The following PDE12 variants were observed in gnomAD, a reference collection of about 807,000 sequenced individuals.
The protein encoded by PDE12 is phosphodiesterase 12.
In PDE12, 26 loss-of-function variants were observed where a neutral mutation model predicts 45.4. That is an observed-to-expected ratio of 0.57 (90% CI 0.42 to 0.79). The LOEUF is 0.79. Ranked by LOEUF, PDE12 falls within the 30% of genes least tolerant of loss-of-function variation. The probability of loss-of-function intolerance (pLI) is 0.00; values close to 1 mark genes in which losing one functional copy is unlikely to be tolerated. For synonymous variants in PDE12, 283 were observed against 323.9 expected (o/e 0.87, Z 1.36); for missense variants, 668 against 790.0 (o/e 0.85, Z 1.85).
the PDE12 span, among the ~76,000 whole-genome samples, chr3:57,602,103 C>T: frequency 1.3e-5 from 2 of 152,096 alleles, no homozygotes; most frequent in South Asian, 2.1e-4. Context: ...CTATAAATAG[C>T]GGTACTATTT....
At chr3:57,574,787 A>G in the PDE12 span, among the ~76,000 whole-genome samples, 1 of 152,078 alleles carries the variant, frequency 6.6e-6, no homozygotes, top group Non-Finnish European at 1.5e-5. Context: ...AGGCTGAGAT[A>G]GTGAGAGGAT....
the PDE12 span, among the ~76,000 whole-genome samples, chr3:57,651,269 G>A: frequency 6.6e-6 from 1 of 152,140 alleles, no homozygotes. Context: ...TATCAAAAAC[G>A]CACTTTCAAC....
rs916306020 is a variant in PDE12, at chr3:57,560,201, C to T, written c.*197C>T. 6 of 1,283,976 alleles carry T rather than the reference C, an allele frequency of 4.7e-6. No individual in the cohort carries two copies. In the African/African-American group the frequency reaches 9.1e-5, roughly 19 times the overall value. The allele number at this position is 1,283,976 out of a possible 1,614,324, so 79.5% of individuals were successfully genotyped here. A position where few individuals can be genotyped will look rare whatever the true frequency, so the allele number is the denominator to read the frequency against. ...TCTTCTCTTTCCTTGTTTTCCTCTACAATTGGAGGAGAAACAAATATATTT... is the reference window on the plus strand; with the variant it reads ...TCTTCTCTTTCCTTGTTTTCCTCTATAATTGGAGGAGAAACAAATATATTT... On this transcript the variant is annotated 3_prime_UTR_variant, in exon 3 of 3. Transcript: ENST00000311180.
chr3:57,649,619 A>G, the PDE12 span, among the ~76,000 whole-genome samples: 1 of 146,234 alleles, frequency 6.8e-6, no homozygotes, highest in African/African-American at 2.6e-5. Flanking sequence ...AATGCCCATC[A>G]ATCAATGAGT....
chr3:57,630,997 T>C, the PDE12 span: 2 of 1,607,598 alleles, frequency 1.2e-6, no homozygotes, highest in Non-Finnish European at 1.7e-6. Flanking sequence ...AAGAAAAAAG[T>C]TAATAAAAGG....
the PDE12 span, among the ~76,000 whole-genome samples, chr3:57,632,225 C>T: frequency 2.6e-5 from 4 of 150,972 alleles, no homozygotes; most frequent in South Asian, 2.1e-4. Context: ...GGGGTTTCAC[C>T]GTGTTAGCCA....
At position 57,560,738 on chromosome 3, in the gene PDE12, T is replaced by G. The variant is rs543059604; in HGVS notation, c.*734T>G. On this transcript the variant is annotated 3_prime_UTR_variant, in exon 3 of 3. Transcript: ENST00000311180. ...TGACAACACATTCCAAAATGAATCATGCTTATGTACTAAGAGGGAAAATGT... is the reference window on the plus strand; with the variant it reads ...TGACAACACATTCCAAAATGAATCAGGCTTATGTACTAAGAGGGAAAATGT... 8 of 984,852 alleles carry G rather than the reference T, an allele frequency of 8.1e-6. No homozygotes were observed. Among genetic ancestry groups the G allele is most frequent in the Non-Finnish European group, 9.6e-6 (8 of 829,066 alleles). 61.0% of individuals were successfully genotyped at this position (984,852 alleles called of 1,614,324 possible).
At chr3:57,589,578 C>T in the PDE12 span, among the ~76,000 whole-genome samples, 5 of 151,128 alleles carry the variant, frequency 3.3e-5, no homozygotes, top group Non-Finnish European at 7.4e-5. Context: ...ATTAGCTAGG[C>T]GTGGTGGCTG....
the PDE12 span, among the ~76,000 whole-genome samples, chr3:57,636,479 C>G: frequency 1.3e-5 from 2 of 152,072 alleles, no homozygotes; most frequent in Non-Finnish European, 2.9e-5. Context: ...CACAGTCTAA[C>G]AGCAAAATAT....
the PDE12 span, among the ~76,000 whole-genome samples, chr3:57,618,421 T>C: frequency 8.5e-4 from 123 of 144,522 alleles, no homozygotes; most frequent in East Asian, 0.018. Context: ...AGATCTTTTT[T>C]GTTTGTTTGT....
Position 57,561,011 on chromosome 3 carries a change from G to A in PDE12, c.*1007G>A. The A allele has an allele frequency of 2.0e-6, 2 of 977,024 alleles. No individual in the cohort carries two copies. Among genetic ancestry groups the A allele is most frequent in the South Asian group, 4.7e-5 (1 of 21,070 alleles). 60.5% of individuals were successfully genotyped at this position (977,024 alleles called of 1,614,324 possible). ...CTTATTTTTAGGATTTTAGTTTTTA[G>A]TGTATGGTACAAATGAACACAGTTT... On this transcript the variant is annotated 3_prime_UTR_variant, in exon 3 of 3. Transcript: ENST00000311180.
the PDE12 span, chr3:57,641,832 C>A: frequency 9.3e-7 from 1 of 1,077,906 alleles, no homozygotes. Flanking sequence ...CTTTTTTTTT[C>A]AATGAACAAT....
At chr3:57,630,274 C>A in the PDE12 span, 1 of 635,006 alleles carries the variant, frequency 1.6e-6, no homozygotes, top group Non-Finnish European at 2.5e-6. Context: ...CCTATAATGT[C>A]CTTGGCACAT....
At chr3:57,559,517 GACA>G (rs1201850106) in intron 2 of PDE12, 42 bp from the exon 3 acceptor site, 4 of 1,566,296 alleles carry the variant, frequency 2.6e-6, no homozygotes, top group Non-Finnish European at 8.6e-7. Context: ...TTAACTTAAA[GACA>G]ACTTTAAAAA....
the PDE12 span, chr3:57,646,227 C>G: frequency 6.7e-7 from 1 of 1,499,530 alleles, no homozygotes; most frequent in Non-Finnish European, 8.9e-7. Context: ...AAAAATACGA[C>G]AGGTGGGAAG....
chr3:57,556,308 G>T lies in PDE12; in HGVS notation c.-72G>T. The T allele has an allele frequency of 1.4e-6, 2 of 1,438,876 alleles. No homozygotes were observed. The highest frequency in any genetic ancestry group is 1.8e-6 in the Non-Finnish European group (2 of 1,088,078). 89.1% of individuals were successfully genotyped at this position (1,438,876 alleles called of 1,614,324 possible). Reference sequence around the variant, plus strand: ...GAATGAGTCAAAGCCGGCGGCCTCGGCTCCTCAGCTCCACCTGACAGTAGG... The same window carrying T: ...GAATGAGTCAAAGCCGGCGGCCTCGTCTCCTCAGCTCCACCTGACAGTAGG... On this transcript the variant is annotated 5_prime_UTR_variant, in exon 1 of 3. Coordinates refer to ENST00000311180, the MANE Select transcript of PDE12 (RefSeq NM_177966.7). This position sits in a 1 kb window ranked among gnomAD's most constrained non-coding sequence, Gnocchi z 5.0.
chr3:57,593,832 C>G, the PDE12 span, among the ~76,000 whole-genome samples: 3 of 152,132 alleles, frequency 2.0e-5, no homozygotes, highest in Non-Finnish European at 4.4e-5. Context: ...AGCCCAAGAA[C>G]AGGCAAGATA....
rs775365880 is a variant in PDE12 at position 57,556,773 on chromosome 3, G to A, written c.394G>A (p.Val132Met). ...VVKLYYREEA[V>M]AEDVLNVDAW... is the part of the protein sequence containing the mutation. ...GAAGCTGTACTACCGGGAAGAGGCA[G>A]TGGCTGAGGACGTGCTCAACGTGGA... The change falls in exon 1 of 3, where the codon GTG becomes ATG. Residue 132 changes from valine to methionine, a missense_variant. Physicochemically the swap from Val to Met is conservative, Grantham distance 21 (BLOSUM62 1). Transcript: ENST00000311180. This position sits in a 1 kb window ranked among gnomAD's most constrained non-coding sequence, Gnocchi z 5.0. 6.2e-7 allele frequency: 1 copy of A among 1,609,244 alleles called. No individual in the cohort carries two copies. The highest frequency in any genetic ancestry group is 1.7e-5 in the Admixed American group (1 of 59,936).
the PDE12 span, chr3:57,584,196 C>CA: frequency 1.4e-6 from 1 of 713,816 alleles, no homozygotes. Context: ...CTCCTGGGCT[C>CA]AAGCAATCCA....
Sources: allele counts gnomAD v4.1 joint callset (sites outside exome capture counted in the v4.1 genomes callset), GRCh38; gene constraint gnomAD v4.1.1; non-coding constraint Gnocchi (gnomAD v3.1); transcripts MANE v1.5; gene names NCBI Gene and HGNC (gene_info 2026-07-23, HGNC 2026-07-21).